CCDC88A: variants seen among roughly 807,000 people sequenced by gnomAD.
The protein encoded by CCDC88A is coiled-coil and HOOK domain protein 88A, also known as girdin.
A neutral mutation model predicts 234.3 loss-of-function variants in CCDC88A; 54 were observed. That is an observed-to-expected ratio of 0.23 (90% CI 0.19 to 0.29). The LOEUF is 0.29. Among genes scored for constraint, CCDC88A ranks in the 10% least tolerant of loss-of-function variants. The probability of loss-of-function intolerance (pLI) is 1.00; values close to 1 mark genes in which losing one functional copy is unlikely to be tolerated. For synonymous variants in CCDC88A, 753 were observed against 737.8 expected (o/e 1.02, Z -0.33); for missense variants, 1,832 against 2,123.4 (o/e 0.86, Z 2.70).
In CCDC88A at chr2:55,343,639, T is replaced by G; in HGVS notation, c.1333+9A>C. The G allele has an allele frequency of 6.3e-7, 1 of 1,581,242 alleles. No individual in the cohort carries two copies. The highest frequency in any genetic ancestry group is 1.4e-5 in the African/African-American group (1 of 73,176). ...GATTATCTATTTAAATTAAAAAAAT[T>G]GGGAATACCTTCGGAAAGTTCACTA... On this transcript the variant is annotated intron_variant, in intron 12 of 32. Coordinates refer to ENST00000436346, the MANE Select transcript of CCDC88A (RefSeq NM_001365480.1).
rs566547322 is a variant in CCDC88A at position 55,311,535 on chromosome 2, A to G, written c.4079+899T>C. On this transcript the variant is annotated intron_variant, in intron 23 of 32. Transcript: ENST00000436346. Reference sequence around the variant, plus strand: ...AATCTAGAAAGTAAGTGTCATCTCTATTTTAAAGAAGAAACTAATGATCAA... The same window carrying G: ...AATCTAGAAAGTAAGTGTCATCTCTGTTTTAAAGAAGAAACTAATGATCAA... Among the ~76,000 whole-genome samples the G allele has an allele frequency of 5.6e-4, 85 of 152,338 alleles. 2 individuals carry two copies. The highest frequency in any genetic ancestry group is 1.0e-3 in the Non-Finnish European group (70 of 68,026).
At chr2:55,387,696 C>T (rs919759761) in intron 3 of CCDC88A, among the ~76,000 whole-genome samples, 8 of 146,968 alleles carry the variant, frequency 5.4e-5, no homozygotes, top group African/African-American at 1.8e-4. Flanking sequence ...GCAGGAGAAT[C>T]GCTTGAACCC....
chr2:55,390,816 C>G (rs1341242241), intron 2 of CCDC88A, among the ~76,000 whole-genome samples: 28 of 152,090 alleles, frequency 1.8e-4, no homozygotes, highest in Admixed American at 1.8e-3. Context: ...ACAAAGGGCT[C>G]CAAAAATCTG....
At chr2:55,405,508 C>T (rs190864680) in intron 2 of CCDC88A, 1 of 152,376 alleles carries the variant, frequency 6.6e-6, no homozygotes, top group East Asian at 1.9e-4. Context: ...CTATTAACTA[C>T]AGGTTTGTCT....
At chr2:55,307,495 A>G (rs1386752932) in intron 25 of CCDC88A, among the ~76,000 whole-genome samples, 1 of 151,378 alleles carries the variant, frequency 6.6e-6, no homozygotes, top group African/African-American at 2.4e-5. Context: ...AGCTGGGATT[A>G]TAGGCATGCA....
chr2:55,321,856 G>A (rs545641104), intron 18 of CCDC88A, among the ~76,000 whole-genome samples: 1 of 151,548 alleles, frequency 6.6e-6, no homozygotes, highest in Non-Finnish European at 1.5e-5. Context: ...TAGAAATCAT[G>A]GTGTGGGGAT....
Position 55,366,963 on chromosome 2 carries a change from T to C in CCDC88A, c.403-2930A>G, listed in dbSNP as rs140173789. ...ACAGACATTTGTACACTCATGTTCA[T>C]AGCAACATTGTTTACAAGGGCCAAA... On this transcript the variant is annotated intron_variant, in intron 5 of 32. Transcript: ENST00000436346. Among the ~76,000 whole-genome samples, 118 of 152,290 alleles carry C rather than the reference T, an allele frequency of 7.7e-4. 1 individual carries two copies. In the East Asian group the frequency reaches 0.019, roughly 25 times the overall value.
At chr2:55,398,519 C>T (rs1678014345) in intron 2 of CCDC88A, among the ~76,000 whole-genome samples, 1 of 152,106 alleles carries the variant, frequency 6.6e-6, no homozygotes, top group African/African-American at 2.4e-5. Flanking sequence ...AAGGGCCATA[C>T]TGACACATGT....
intron 5 of CCDC88A, among the ~76,000 whole-genome samples, chr2:55,367,200 C>T (rs1485759918): frequency 1.3e-5 from 2 of 152,024 alleles, no homozygotes; most frequent in African/African-American, 2.4e-5. Context: ...CTAGAACAAT[C>T]GAATTCATAG....
In CCDC88A at chr2:55,317,625, G is replaced by A. The variant is rs777324917; in HGVS notation, c.3541C>T (p.His1181Tyr). The A allele has an allele frequency of 6.2e-7, 1 of 1,609,272 alleles. No homozygotes were observed. Among genetic ancestry groups the A allele is most frequent in the Non-Finnish European group, 8.5e-7 (1 of 1,176,430 alleles). The change falls in exon 20 of 33, where the codon CAT (histidine) becomes TAT (tyrosine). Residue 1181 changes from histidine (H) to tyrosine (Y), a missense_variant. His to Tyr is a moderately conservative substitution (Grantham distance 83). Coordinates refer to ENST00000436346, the MANE Select transcript of CCDC88A (RefSeq NM_001365480.1). The surrounding 1 kb of genome is among the most constrained non-coding windows in gnomAD (Gnocchi z 4.2). Reference sequence around the variant, plus strand: ...TTGTGGGCAGACTTCAGAGTTCCATGTTTAGAGATAAGAGATTCATACTCT... The same window carrying A: ...TTGTGGGCAGACTTCAGAGTTCCATATTTAGAGATAAGAGATTCATACTCT... ...ASEYESLISK[H>Y]GTLKSAHKNL...
intron 16 of CCDC88A, among the ~76,000 whole-genome samples, chr2:55,330,943 T>A (rs764835682): frequency 3.3e-5 from 5 of 152,230 alleles, no homozygotes; most frequent in Non-Finnish European, 5.9e-5. Flanking sequence ...ACCTCTGTCA[T>A]TTTTTAAGAT....
chr2:55,294,503 C>A, intron 31 of CCDC88A: 1 of 948,646 alleles, frequency 1.1e-6, no homozygotes, highest in African/African-American at 1.8e-5. Context: ...TTAACTATTT[C>A]TTTAAAACAG....
In CCDC88A at chr2:55,318,962, G is replaced by A; in HGVS notation, c.3205C>T (p.Leu1069=). ...TTGTTCTGTGTCTCAAGTTGCTTCA[G>A]TTGAGTTTTCAACGCTTGCTTCTCT... ...QAEKQALKTQ[L]KQLETQNNNL... is the part of the protein sequence containing the mutation. Residue 1069 remains leucine, a synonymous_variant, in exon 19 of 33, where the codon CTG becomes TTG. Transcript: ENST00000436346. The A allele has an allele frequency of 8.1e-6, 13 of 1,613,428 alleles. No individual in the cohort carries two copies. Among genetic ancestry groups the A allele is most frequent in the Middle Eastern group, 3.3e-4 (2 of 6,058 alleles).
intron 2 of CCDC88A, among the ~76,000 whole-genome samples, chr2:55,411,798 A>AAAC (rs1553440800): frequency 0.066 from 8,005 of 120,456 alleles, 835 homozygotes; most frequent in African/African-American, 0.11. Context: ...AAAAAAAAAA[A>AAAC]AAAAACTCAA....
chr2:55,378,929 A>G (rs1674141716), intron 3 of CCDC88A, among the ~76,000 whole-genome samples: 2 of 151,908 alleles, frequency 1.3e-5, no homozygotes, highest in South Asian at 4.2e-4. Context: ...TATTTTTAGT[A>G]CAGAGGGGGT....
intron 17 of CCDC88A, among the ~76,000 whole-genome samples, chr2:55,324,589 A>G (rs1247411110): frequency 1.3e-5 from 2 of 152,098 alleles, no homozygotes; most frequent in African/African-American, 2.4e-5. Context: ...TTGTTATAAA[A>G]ATTCATTTAT....
At chr2:55,337,533 T>C (rs1322333988) in intron 13 of CCDC88A, 1 of 152,206 alleles carries the variant, frequency 6.6e-6, no homozygotes, top group Non-Finnish European at 1.5e-5. Context: ...GTTAAATTCT[T>C]ATGTCAATAA....
chr2:55,381,153 T>C (rs955208250), intron 3 of CCDC88A, among the ~76,000 whole-genome samples: 2 of 74,666 alleles, frequency 2.7e-5, no homozygotes, highest in South Asian at 3.4e-4. Flanking sequence ...CTAGGAGCTA[T>C]AGGCTACACC....
intron 22 of CCDC88A, chr2:55,315,546 A>C (rs1682879647): frequency 6.5e-6 from 1 of 154,020 alleles, no homozygotes; most frequent in Non-Finnish European, 1.4e-5. Context: ...CCTATAATTT[A>C]TTTGGACTTT....
Sources: allele counts gnomAD v4.1 joint callset (sites outside exome capture counted in the v4.1 genomes callset), GRCh38; gene constraint gnomAD v4.1.1; non-coding constraint Gnocchi (gnomAD v3.1); transcripts MANE v1.5; gene names NCBI Gene and HGNC (gene_info 2026-07-23, HGNC 2026-07-21).